The following IAH1 variants were observed in gnomAD, a reference collection of about 807,000 sequenced individuals.
IAH1 encodes isoamyl acetate-hydrolyzing esterase 1 homolog.
IAH1 carries 24 observed loss-of-function variants against 26.7 expected under a neutral mutation model. The ratio of observed to expected loss-of-function variants is 0.90; its 90% CI spans 0.65 to 1.26. The LOEUF (loss-of-function observed/expected upper bound fraction) is 1.26. IAH1 is among the 50% of genes most tolerant of loss of function. The probability of loss-of-function intolerance (pLI) is 0.00; values close to 1 mark genes in which losing one functional copy is unlikely to be tolerated. For synonymous variants in IAH1, 140 were observed against 118.5 expected (o/e 1.18, Z -1.18); for missense variants, 300 against 299.9 (o/e 1.00, Z 0.00).
intron 2 of IAH1, among the ~76,000 whole-genome samples, chr2:9,476,858 T>C (rs1354087024): frequency 1.3e-5 from 2 of 152,214 alleles, no homozygotes; most frequent in Non-Finnish European, 2.9e-5. Context: ...GCCACCTGGA[T>C]GTATACGTGC....
chr2:9,493,789 G>A, downstream of IAH1: 3 of 1,613,888 alleles, frequency 1.9e-6, no homozygotes, highest in Non-Finnish European at 2.5e-6. Flanking sequence ...TCCCAAAATC[G>A]TTCAATTACA....
At chr2:9,492,743 AG>A (rs1365218205), downstream of IAH1, among the ~76,000 whole-genome samples, 12 of 152,344 alleles carry the variant, frequency 7.9e-5, no homozygotes, top group African/African-American at 2.4e-4. Flanking sequence ...GCTTTCTACA[AG>A]ACATGTTCCC....
downstream of IAH1, chr2:9,490,623 GTGATGCT>G: frequency 8.2e-7 from 1 of 1,220,128 alleles, no homozygotes; most frequent in Non-Finnish European, 1.1e-6. Context: ...TGTTGGCACT[GTGATGCT>G]AAGAAAAAAG....
chr2:9,478,157 G>T, intron 2 of IAH1, 65 bp from the exon 3 acceptor site: 1 of 1,447,174 alleles, frequency 6.9e-7, no homozygotes, highest in Non-Finnish European at 9.4e-7. Flanking sequence ...CTCACTAAAG[G>T]CCGGTTACTG....
In IAH1 at chr2:9,489,682, G is replaced by A. The variant is rs1379776153; in HGVS notation, c.*1353G>A. ...ACTAGAAATAGACCCACAATTTAGAGACAATGTATACTAGATTTATCTCCT... is the reference window on the plus strand; with the variant it reads ...ACTAGAAATAGACCCACAATTTAGAAACAATGTATACTAGATTTATCTCCT... On this transcript the variant is annotated 3_prime_UTR_variant, in exon 6 of 6. Coordinates refer to ENST00000497473, the MANE Select transcript of IAH1 (RefSeq NM_001039613.3). The A allele has an allele frequency of 1.6e-5, 2 of 123,538 alleles. No homozygotes were observed. Among genetic ancestry groups the A allele is most frequent in the East Asian group, 5.2e-4 (2 of 3,840 alleles). The allele number at this position is 123,538 out of a possible 1,614,324, so 7.7% of individuals were successfully genotyped here. A position where few individuals can be genotyped will look rare whatever the true frequency, so the allele number is the denominator to read the frequency against.
chr2:9,478,500 G>GT, intron 3 of IAH1, 130 bp downstream of exon 3: 1 of 816,612 alleles, frequency 1.2e-6, no homozygotes, highest in Non-Finnish European at 1.9e-6. Flanking sequence ...AACTTATGTT[G>GT]TTTATATGTA....
chr2:9,483,267 T>TG (rs1205128812), intron 4 of IAH1, among the ~76,000 whole-genome samples: 2 of 152,142 alleles, frequency 1.3e-5, no homozygotes, highest in Non-Finnish European at 2.9e-5. Flanking sequence ...TTTTTTGAGA[T>TG]GGTCTTGCTG....
In IAH1 at chr2:9,487,825, TGTGTGTGTGCGC is replaced by T. The variant is rs755230930; in HGVS notation, c.565-320_565-309del. On this transcript the variant is annotated intron_variant, in intron 5 of 5. Coordinates refer to ENST00000497473, the MANE Select transcript of IAH1 (RefSeq NM_001039613.3). ...GTGTGTGTGTGTGTGTGTGTGTGTG[TGTGTGTGTGCGC>T]GCGCGCGCGCGCGCTGTGGGGGGAG... Among the ~76,000 whole-genome samples, 707 of 106,158 alleles carry T rather than the reference TGTGTGTGTGCGC, an allele frequency of 6.7e-3. 3 individuals carry two copies. The highest frequency in any genetic ancestry group is 0.017 in the African/African-American group (449 of 26,388). 69.6% of individuals were successfully genotyped at this position (106,158 alleles called of 152,430 possible). A position where few individuals can be genotyped will look rare whatever the true frequency, so the allele number is the denominator to read the frequency against.
At chr2:9,493,740 C>T, downstream of IAH1, 2 of 1,611,732 alleles carry the variant, frequency 1.2e-6, no homozygotes, top group Non-Finnish European at 1.7e-6. Context: ...CTGGGGAAAT[C>T]ACCTACCAAA....
intron 5 of IAH1, among the ~76,000 whole-genome samples, chr2:9,487,846 GC>G (rs1661687331): frequency 7.0e-6 from 1 of 143,564 alleles, no homozygotes; most frequent in African/African-American, 2.6e-5. Context: ...GCGCGCGCGC[GC>G]GCGCTGTGGG....
the IAH1 span, chr2:9,505,267 C>T: frequency 6.2e-6 from 10 of 1,614,052 alleles, no homozygotes; most frequent in Admixed American, 1.7e-5. Flanking sequence ...CATCCACCCT[C>T]GAGTTCCCAC....
At chr2:9,502,650 G>A in the IAH1 span, among the ~76,000 whole-genome samples, 2 of 152,088 alleles carry the variant, frequency 1.3e-5, no homozygotes, top group East Asian at 1.9e-4. Flanking sequence ...GCCGAGGTGG[G>A]TGGATCACCT....
At chr2:9,485,042 TCA>T (rs888903228) in intron 5 of IAH1, 1 of 155,732 alleles carries the variant, frequency 6.4e-6, no homozygotes, top group Non-Finnish European at 1.4e-5. Flanking sequence ...TCTGACGCAG[TCA>T]CACATACACT....
At position 9,489,154 on chromosome 2, in the gene IAH1, T is replaced by G. The variant is rs1203417334; in HGVS notation, c.*825T>G. 3.2e-5 allele frequency: 4 copies of G among 125,924 alleles called. No individual in the cohort carries two copies. Among genetic ancestry groups the G allele is most frequent in the African/African-American group, 1.1e-4 (4 of 37,514 alleles). The allele number at this position is 125,924 out of a possible 1,614,324, so 7.8% of individuals were successfully genotyped here. On this transcript the variant is annotated 3_prime_UTR_variant, in exon 6 of 6. Coordinates refer to ENST00000497473, the MANE Select transcript of IAH1 (RefSeq NM_001039613.3). Reference sequence around the variant, plus strand: ...CTCATCACATTCAAAACAACCTGTTTTTTTTGTTGTTGTTGTTGTTAAGAA... The same window carrying G: ...CTCATCACATTCAAAACAACCTGTTGTTTTTGTTGTTGTTGTTGTTAAGAA...
chr2:9,478,231 T>C lies in IAH1; in HGVS notation c.144T>C (p.Asp48=). 4 of 1,592,846 alleles carry C rather than the reference T, an allele frequency of 2.5e-6. No individual in the cohort carries two copies. The highest frequency in any genetic ancestry group is 3.4e-6 in the Non-Finnish European group (4 of 1,171,882). ...AAATTTTTCGTTTCAGAAAATGTGA[T>C]GTTCTGAATCGTGGATTTTCAGGTT... ...SLADRLVRKC[D]VLNRGFSGYN... is the part of the protein sequence containing the mutation. Residue 48 remains aspartate, a synonymous_variant, in exon 3 of 6, where the codon GAT becomes GAC. Transcript: ENST00000497473.
At chr2:9,482,878 G>T (rs952440373) in intron 4 of IAH1, among the ~76,000 whole-genome samples, 1 of 152,208 alleles carries the variant, frequency 6.6e-6, no homozygotes, top group Admixed American at 6.5e-5. Context: ...GGGCCCTATT[G>T]CTGTGCATGA....
At chr2:9,490,294 G>A (rs2124948113), downstream of IAH1, 1 of 1,614,170 alleles carries the variant, frequency 6.2e-7, no homozygotes, top group South Asian at 1.1e-5. Context: ...TGGCAGCTGT[G>A]CTGCTATTTG....
At chr2:9,490,391 A>T (rs746264614), downstream of IAH1, 3 of 1,614,056 alleles carry the variant, frequency 1.9e-6, no homozygotes, top group South Asian at 1.1e-5. Flanking sequence ...CTGGTGGTCC[A>T]GTTTTGGAGC....
At chr2:9,476,835 TC>T (rs1306628454) in intron 2 of IAH1, among the ~76,000 whole-genome samples, 3 of 152,174 alleles carry the variant, frequency 2.0e-5, no homozygotes, top group Non-Finnish European at 4.4e-5. Context: ...TTGTGGTTCT[TC>T]AGTTGCTCCA....
Sources: allele counts gnomAD v4.1 joint callset (sites outside exome capture counted in the v4.1 genomes callset), GRCh38; gene constraint gnomAD v4.1.1; transcripts MANE v1.5; gene names NCBI Gene and HGNC (gene_info 2026-07-23, HGNC 2026-07-21).